Variants in CAND1 observed in about 807,000 individuals in gnomAD.
CAND1 encodes cullin associated and neddylation dissociated 1.
A neutral mutation model predicts 108.5 loss-of-function variants in CAND1; 7 were observed. That is an observed-to-expected ratio of 0.06 (90% confidence interval 0.04 to 0.12). CAND1 has a LOEUF of 0.12. CAND1 is among the 10% of genes least tolerant of loss of function. The pLI, the probability that CAND1 is intolerant of heterozygous loss-of-function variation, is 1.00. For synonymous variants in CAND1, 534 were observed against 512.0 expected (o/e 1.04, Z -0.58); for missense variants, 941 against 1,448.7 (o/e 0.65, Z 5.69).
At chr12:67,312,086 A>G (rs945766453) in intron 14 of CAND1, among the ~76,000 whole-genome samples, 2 of 152,038 alleles carry the variant, frequency 1.3e-5, no homozygotes, top group Non-Finnish European at 2.9e-5. Flanking sequence ...AAAAGAGGAA[A>G]TTTTTAATTC....
intron 8 of CAND1, among the ~76,000 whole-genome samples, chr12:67,303,890 C>T (rs1338386748): frequency 1.3e-5 from 2 of 151,852 alleles, no homozygotes; most frequent in African/African-American, 4.8e-5. Flanking sequence ...TGTCTTGTTT[C>T]CTTTGATTTT....
Position 67,302,613 on chromosome 12 carries a change from C to A in CAND1, c.1291C>A (p.Gln431Lys). Residue 431 changes from glutamine (Q) to lysine (K), a missense_variant and splice_region_variant, in exon 8 of 15, where the codon CAG becomes AAG. Gln to Lys is a moderately conservative substitution (Grantham distance 53). Transcript: ENST00000545606. ...GETPLTMLQS[Q>K]VPNIVKALHK... The stretch of plus-strand genomic sequence containing the variant: ...AACACCTTTAACAATGCTTCAGAGT[C>A]AGGTGGGTTTTAAAGTAAAGTTTAG... 1 of 1,603,462 alleles carries A rather than the reference C, an allele frequency of 6.2e-7. No homozygotes were observed. The highest frequency in any genetic ancestry group is 1.1e-5 in the South Asian group (1 of 90,652).
rs2045004225 is a variant in CAND1, at chr12:67,315,958, A to G, written c.*3128A>G. On this transcript the variant is annotated 3_prime_UTR_variant, in exon 15 of 15. Transcript: ENST00000545606. The stretch of plus-strand genomic sequence containing the variant: ...AGTATATAGTAACACTTTGTAATGA[A>G]GTAACATTTTCTGCCCACATTAATT... 6.6e-6 allele frequency: 1 copy of G among 152,224 alleles called. No homozygotes were observed. The highest frequency in any genetic ancestry group is 2.1e-4 in the South Asian group (1 of 4,830). The allele number at this position is 152,224 out of a possible 1,614,324, so 9.4% of individuals were successfully genotyped here.
chr12:67,276,262 A>T lies in CAND1; in HGVS notation c.69-5648A>T, dbSNP rs186771248. 1.7e-3 allele frequency among the ~76,000 whole-genome samples: 254 copies of T among 152,238 alleles called. 1 individual carries two copies. The highest frequency in any genetic ancestry group is 0.01 in the Middle Eastern group (3 of 294). Reference sequence around the variant, plus strand: ...TAGAGACTGCTCTCCTAAAATCCCCAACAGTCTCCCTAGTCTCCTAATATA... The same window carrying T: ...TAGAGACTGCTCTCCTAAAATCCCCTACAGTCTCCCTAGTCTCCTAATATA... On this transcript the variant is annotated intron_variant, in intron 1 of 14. Transcript: ENST00000545606.
Position 67,306,284 on chromosome 12 carries a change from C to A in CAND1, c.2616C>A (p.Val872=). 1 of 1,614,098 alleles carries A rather than the reference C, an allele frequency of 6.2e-7. No homozygotes were observed. Among genetic ancestry groups the A allele is most frequent in the South Asian group, 1.1e-5 (1 of 91,074 alleles). Reference sequence around the variant, plus strand: ...CTTTCTCATCTCCTAGTGAAGAAGTCAAATCAGCTGCATCCTATGCATTAG... The same window carrying A: ...CTTTCTCATCTCCTAGTGAAGAAGTAAAATCAGCTGCATCCTATGCATTAG... ...LEAFSSPSEE[V]KSAASYALGS... The change falls in exon 10 of 15, where the codon GTC becomes GTA. Residue 872 remains valine, a synonymous_variant. Coordinates refer to ENST00000545606, the MANE Select transcript of CAND1 (RefSeq NM_018448.5).
chr12:67,310,355 A>G (rs2044935909), intron 13 of CAND1, 39 bp downstream of exon 13: 2 of 1,464,654 alleles, frequency 1.4e-6, no homozygotes, highest in Non-Finnish European at 1.9e-6. Flanking sequence ...GTTTTAGAAG[A>G]AGACTTTGCT....
Position 67,299,112 on chromosome 12 carries a change from A to G in CAND1, c.1000+17A>G. The G allele has an allele frequency of 6.6e-7, 1 of 1,507,926 alleles. No individual in the cohort carries two copies. The highest frequency in any genetic ancestry group is 8.9e-7 in the Non-Finnish European group (1 of 1,124,406). The allele number at this position is 1,507,926 out of a possible 1,614,324, so 93.4% of individuals were successfully genotyped here. Reference sequence around the variant, plus strand: ...ATGATCAAGGTATTGCAAATTAAATAGAATCTTTTGAGTTTTTGTGAAAGA... The same window carrying G: ...ATGATCAAGGTATTGCAAATTAAATGGAATCTTTTGAGTTTTTGTGAAAGA... On this transcript the variant is annotated intron_variant, in intron 7 of 14. Coordinates refer to ENST00000545606, the MANE Select transcript of CAND1 (RefSeq NM_018448.5).
intron 2 of CAND1, among the ~76,000 whole-genome samples, chr12:67,288,148 T>C (rs1012324909): frequency 4.0e-5 from 6 of 151,154 alleles, no homozygotes; most frequent in Admixed American, 2.0e-4. Flanking sequence ...TTTTTTTTTT[T>C]TTTTTTTAGA....
chr12:67,292,441 A>T (rs2044731108), intron 2 of CAND1, among the ~76,000 whole-genome samples, 181 bp from the exon 3 acceptor site: 1 of 152,238 alleles, frequency 6.6e-6, no homozygotes, highest in Non-Finnish European at 1.5e-5. Flanking sequence ...CTTGGAAACC[A>T]ACTGCAAAAA....
intron 2 of CAND1, among the ~76,000 whole-genome samples, chr12:67,284,051 T>C (rs2044645311): frequency 1.3e-5 from 2 of 152,100 alleles, no homozygotes; most frequent in South Asian, 4.1e-4. Flanking sequence ...ATCAAAAAAT[T>C]GGAAAAATTG....
chr12:67,282,139 T>C, intron 2 of CAND1, 86 bp downstream of exon 2: 1 of 1,377,318 alleles, frequency 7.3e-7, no homozygotes, highest in Non-Finnish European at 1.0e-6. Context: ...TAAATTATCT[T>C]AGCCTTGTAC....
intron 1 of CAND1, among the ~76,000 whole-genome samples, chr12:67,272,413 C>G (rs1005594314): frequency 6.6e-6 from 1 of 152,132 alleles, no homozygotes. Flanking sequence ...CATAAAATTT[C>G]AGGTCTATTT....
chr12:67,284,024 AATT>A (rs1387691834), intron 2 of CAND1, among the ~76,000 whole-genome samples: 2 of 152,176 alleles, frequency 1.3e-5, no homozygotes, highest in African/African-American at 4.8e-5. Context: ...CAGCCATATC[AATT>A]ATTAAGCAGC....
chr12:67,292,891 A>G, intron 3 of CAND1, 115 bp downstream of exon 3: 3 of 878,960 alleles, frequency 3.4e-6, no homozygotes, highest in Non-Finnish European at 5.5e-6. Context: ...ACAGATGTTC[A>G]TAGGAATCCC....
At chr12:67,299,709 A>G (rs529672285) in intron 7 of CAND1, among the ~76,000 whole-genome samples, 1 of 152,250 alleles carries the variant, frequency 6.6e-6, no homozygotes, top group East Asian at 1.9e-4. Context: ...ATGATTTATG[A>G]TATTTACTCT....
intron 1 of CAND1, among the ~76,000 whole-genome samples, chr12:67,280,144 T>C (rs1393775337): frequency 6.6e-6 from 1 of 152,222 alleles, no homozygotes; most frequent in Non-Finnish European, 1.5e-5. Flanking sequence ...GATCTTGTAT[T>C]GCCCTAATGC....
intron 4 of CAND1, among the ~76,000 whole-genome samples, chr12:67,296,159 G>A (rs1482775904): frequency 1.1e-4 from 17 of 152,102 alleles, no homozygotes; most frequent in Admixed American, 1.1e-3. Flanking sequence ...TGTTTAATTT[G>A]ATAAACTGAA....
rs769708301 is a variant in CAND1 at position 67,316,576 on chromosome 12, T to TA, written c.*3748dup. The stretch of plus-strand genomic sequence containing the variant: ...TATAATTTTACTTTTTTGGACCCTA[T>TA]AATGCCAGTGTGTCAGGTTTCAGAA... On this transcript the variant is annotated 3_prime_UTR_variant, in exon 15 of 15. Coordinates refer to ENST00000545606, the MANE Select transcript of CAND1 (RefSeq NM_018448.5). 5.9e-5 allele frequency: 9 copies of TA among 152,308 alleles called. No individual in the cohort carries two copies. The highest frequency in any genetic ancestry group is 1.2e-4 in the African/African-American group (5 of 41,556). 9.4% of individuals were successfully genotyped at this position (152,308 alleles called of 1,614,324 possible).
intron 2 of CAND1, among the ~76,000 whole-genome samples, chr12:67,290,094 G>C (rs934453946): frequency 2.0e-5 from 3 of 152,152 alleles, no homozygotes; most frequent in Admixed American, 1.3e-4. Context: ...TCTGCCTTTT[G>C]TATAAAGCAG....
Sources: gnomAD v4.1 joint callset for allele counts (sites outside exome capture counted in the v4.1 genomes callset) on GRCh38, gnomAD v4.1.1 for gene constraint, MANE v1.5 for transcripts, NCBI Gene and HGNC (gene_info 2026-07-23, HGNC 2026-07-21) for gene names.